Variants in ZNF732 observed in about 807,000 individuals in gnomAD.
ZNF732 encodes the protein zinc finger protein 732, also known as zinc finger protein LOC654254.
Under a neutral mutation model 11.5 loss-of-function variants are expected in ZNF732, and 12 were observed. The ratio of observed to expected loss-of-function variants is 1.05; its 90% confidence interval spans 0.67 to 1.70. The LOEUF is 1.70. Ranked by LOEUF, ZNF732 falls within the 40% of genes most tolerant of loss-of-function variation. The pLI, the probability that ZNF732 is intolerant of heterozygous loss-of-function variation, is 0.00. For synonymous variants in ZNF732, 231 were observed against 236.5 expected (o/e 0.98, Z 0.21); for missense variants, 702 against 676.9 (o/e 1.04, Z -0.41).
chr4:294,262 A>T (rs1553841833), intron 3 of ZNF732, among the ~76,000 whole-genome samples: 1 of 152,342 alleles, frequency 6.6e-6, no homozygotes, highest in East Asian at 1.9e-4. Flanking sequence ...AGCCTCCCAA[A>T]GTGCTGGGAT....
intron 1 of ZNF732, among the ~76,000 whole-genome samples, chr4:304,383 C>G (rs1720182170): frequency 6.6e-6 from 1 of 152,088 alleles, no homozygotes; most frequent in Non-Finnish European, 1.5e-5. Flanking sequence ...GGCCGCGCCT[C>G]CCGCAGACAC....
intron 1 of ZNF732, among the ~76,000 whole-genome samples, chr4:302,010 G>A (rs1360087083): frequency 1.3e-5 from 2 of 152,038 alleles, no homozygotes; most frequent in Non-Finnish European, 2.9e-5. Flanking sequence ...GACGAAGGAG[G>A]AATAACTGAT....
intron 3 of ZNF732, among the ~76,000 whole-genome samples, chr4:285,401 G>C (rs1426088219): frequency 6.6e-6 from 1 of 152,156 alleles, no homozygotes; most frequent in Non-Finnish European, 1.5e-5. Context: ...GAAGATCTGA[G>C]TGGTAGAAAG....
At chr4:276,223 A>T (rs1719492417) in intron 3 of ZNF732, among the ~76,000 whole-genome samples, 1 of 151,856 alleles carries the variant, frequency 6.6e-6, no homozygotes, top group Non-Finnish European at 1.5e-5. Context: ...AAATAAGTAT[A>T]CAACTTAAAA....
Position 296,144 on chromosome 4 carries a change from T to C in ZNF732, c.15A>G (p.Thr5=). 6.2e-7 allele frequency: 1 copy of C among 1,611,052 alleles called. No individual in the cohort carries two copies. The highest frequency in any genetic ancestry group is 1.1e-5 in the South Asian group (1 of 90,472). ...AGAATTCTATGGCCACATCCCTGAA[T>C]GTTAAGAGTTCCTGAAAATATATAT... MELL[T]FRDVAIEFSP... is the part of the protein sequence containing the mutation. The change falls in exon 2 of 4, where the codon ACA becomes ACG. Residue 5 remains threonine (T), a synonymous_variant. Transcript: ENST00000419098.
chr4:287,082 C>T (rs1010948188), intron 3 of ZNF732, among the ~76,000 whole-genome samples: 2 of 151,988 alleles, frequency 1.3e-5, no homozygotes, highest in Non-Finnish European at 2.9e-5. Flanking sequence ...ACCCGGGAGG[C>T]GAAGCTTGCA....
At chr4:287,919 G>A (rs1553840828) in intron 3 of ZNF732, among the ~76,000 whole-genome samples, 1 of 151,458 alleles carries the variant, frequency 6.6e-6, no homozygotes, top group Non-Finnish European at 1.5e-5. Flanking sequence ...GTGCACAAGA[G>A]TTTCAATTTC....
rs781836555 is a variant in ZNF732, at chr4:295,438, C to G, written c.226G>C (p.Ala76Pro). Residue 76 changes from alanine to proline, a missense_variant and splice_region_variant, in exon 3 of 4, where the codon GCT becomes CCT. By Grantham distance (27) the Ala-to-Pro change is conservative (BLOSUM62 -1). Coordinates refer to ENST00000419098, the MANE Select transcript of ZNF732 (RefSeq NM_001137608.3). ...CTCTCCTTCATTCACTGTCACCTAC[C>G]TGGGTGTTTGGCTACTGTCTCATGT... Reference protein sequence around the residue: ...KIHETVAKHPAVCSHFTQDFL... With the variant: ...KIHETVAKHPPVCSHFTQDFL... 1 of 1,602,386 alleles carries G rather than the reference C, an allele frequency of 6.2e-7. No homozygotes were observed. The highest frequency in any genetic ancestry group is 8.5e-7 in the Non-Finnish European group (1 of 1,174,012).
At chr4:298,463 A>C (rs1553842813) in intron 1 of ZNF732, among the ~76,000 whole-genome samples, 1 of 152,156 alleles carries the variant, frequency 6.6e-6, no homozygotes, top group East Asian at 1.9e-4. Flanking sequence ...TTGGGTACAA[A>C]CCAAGGAGAT....
At chr4:299,353 A>T in intron 1 of ZNF732, among the ~76,000 whole-genome samples, 1 of 128,546 alleles carries the variant, frequency 7.8e-6, no homozygotes, top group African/African-American at 3.3e-5. Context: ...GTATATATAC[A>T]CATATATACA....
At chr4:294,112 C>T (rs541681037) in intron 3 of ZNF732, among the ~76,000 whole-genome samples, 21 of 152,278 alleles carry the variant, frequency 1.4e-4, no homozygotes, top group Admixed American at 7.8e-4. Context: ...AGTGATTCTC[C>T]GGCCTCAGCC....
intron 1 of ZNF732, among the ~76,000 whole-genome samples, chr4:302,230 G>A (rs1296140364): frequency 5.3e-5 from 8 of 152,046 alleles, no homozygotes; most frequent in African/African-American, 1.5e-4. Context: ...TATAATGTCT[G>A]GTGATTCTGG....
intron 3 of ZNF732, among the ~76,000 whole-genome samples, chr4:280,294 G>GAAAAA (rs59901961): frequency 7.0e-6 from 1 of 142,744 alleles, no homozygotes; most frequent in South Asian, 2.2e-4. Context: ...ACAGCAGTAA[G>GAAAAA]AAAAAAAAAA....
rs528513317 is a variant in ZNF732 at position 283,911 on chromosome 4, G to GTT, written c.227-11283_227-11282dup. On this transcript the variant is annotated intron_variant, in intron 3 of 3. Coordinates refer to ENST00000419098, the MANE Select transcript of ZNF732 (RefSeq NM_001137608.3). ...ACTGAAATCATATCAACTTGTTTGT[G>GTT]TTTTTTTTAGTTTTTTTGAGAAGGA... Among the ~76,000 whole-genome samples, 10 of 151,726 alleles carry GTT rather than the reference G, an allele frequency of 6.6e-5. No homozygotes were observed. In the East Asian group the frequency reaches 1.9e-3, roughly 29 times the overall value.
chr4:294,176 A>T (rs1439132909), intron 3 of ZNF732, among the ~76,000 whole-genome samples: 25 of 152,030 alleles, frequency 1.6e-4, no homozygotes, highest in Admixed American at 1.6e-3. Flanking sequence ...AACTTTTTGT[A>T]TTTTTAGTAC....
At chr4:291,787 G>A (rs1221756717) in intron 3 of ZNF732, among the ~76,000 whole-genome samples, 1 of 152,140 alleles carries the variant, frequency 6.6e-6, no homozygotes, top group Non-Finnish European at 1.5e-5. Flanking sequence ...AGAACAAAGC[G>A]AGGGGCATCA....
intron 1 of ZNF732, among the ~76,000 whole-genome samples, chr4:299,080 T>G (rs1720023664): frequency 6.6e-6 from 1 of 152,100 alleles, no homozygotes; most frequent in Non-Finnish European, 1.5e-5. Context: ...TTGTGAATCC[T>G]AGGCAGAAGT....
intron 3 of ZNF732, among the ~76,000 whole-genome samples, chr4:283,083 G>A (rs549261611): frequency 6.6e-6 from 1 of 152,122 alleles, no homozygotes; most frequent in Non-Finnish European, 1.5e-5. Context: ...AGGCCTTTAA[G>A]AAGTTATAAG....
chr4:273,577 AAAAC>A (rs1162697009), intron 3 of ZNF732, among the ~76,000 whole-genome samples: 35 of 152,098 alleles, frequency 2.3e-4, no homozygotes, highest in African/African-American at 7.2e-4. Context: ...TTAAAAACAA[AAAAC>A]AAATCATGAA....
Sources: allele counts gnomAD v4.1 joint callset (sites outside exome capture counted in the v4.1 genomes callset), GRCh38; gene constraint gnomAD v4.1.1; transcripts MANE v1.5; gene names NCBI Gene and HGNC (gene_info 2026-07-23, HGNC 2026-07-21).